BIRC6: variants seen among roughly 807,000 people sequenced by gnomAD.
The protein encoded by BIRC6 is dual E2 ubiquitin-conjugating enzyme/E3 ubiquitin-protein ligase BIRC6.
In BIRC6, 98 loss-of-function variants were observed where a neutral mutation model predicts 503.3. The observed-to-expected ratio is 0.19, with a 90% CI of 0.17 to 0.23. The LOEUF (loss-of-function observed/expected upper bound fraction) is 0.23, where lower values mean the gene tolerates loss of function less well. Ranked by LOEUF, BIRC6 falls within the 10% of genes least tolerant of loss-of-function variation. BIRC6 has a pLI of 1.00. For synonymous variants in BIRC6, 2,240 were observed against 2,078.7 expected (o/e 1.08, Z -2.11); for missense variants, 5,360 against 5,806.0 (o/e 0.92, Z 2.50).
At chr2:32,526,717 G>C (rs1012375942) in intron 59 of BIRC6, 4 of 158,414 alleles carry the variant, frequency 2.5e-5, no homozygotes, top group African/African-American at 9.6e-5. Flanking sequence ...AGTGTTGGCA[G>C]TGAACACGTG....
chr2:32,397,673 TACAC>T (rs1182103617), intron 6 of BIRC6, among the ~76,000 whole-genome samples: 1 of 132,912 alleles, frequency 7.5e-6, no homozygotes, highest in African/African-American at 2.8e-5. Flanking sequence ...TATATATATA[TACAC>T]ACACACATAT....
intron 65 of BIRC6, among the ~76,000 whole-genome samples, chr2:32,558,326 ACT>A (rs2058927377): frequency 6.6e-6 from 1 of 152,050 alleles, no homozygotes; most frequent in Non-Finnish European, 1.5e-5. Flanking sequence ...TATACAAAAA[ACT>A]ACACATACTT....
In BIRC6 at chr2:32,515,190, C is replaced by T; in HGVS notation, c.10769C>T (p.Ser3590Leu). ...TDDSKKQDLS[S>L]SLTDDSKNAQ... Reference sequence around the variant, plus strand: ...GATAGCAAAAAGCAGGATCTTAGTTCATCTTTAACAGATGACTCTAAAAAT... The same window carrying T: ...GATAGCAAAAAGCAGGATCTTAGTTTATCTTTAACAGATGACTCTAAAAAT... The change falls in exon 55 of 74, where the codon TCA becomes TTA. Residue 3590 changes from serine to leucine, a missense_variant. This residue lies in a region of BIRC6 where 878 missense variants were observed against 928.9 expected (regional missense o/e 0.95). Coordinates refer to ENST00000421745, the MANE Select transcript of BIRC6 (RefSeq NM_016252.4). 1 of 1,613,896 alleles carries T rather than the reference C, an allele frequency of 6.2e-7. No homozygotes were observed. The highest frequency in any genetic ancestry group is 8.5e-7 in the Non-Finnish European group (1 of 1,179,864).
At position 32,442,921 on chromosome 2, in the gene BIRC6, G is replaced by A. The variant is rs146389933; in HGVS notation, c.4238+466G>A. Among the ~76,000 whole-genome samples the A allele has an allele frequency of 4.2e-3, 633 of 152,164 alleles. 4 individuals are homozygous for A. Among genetic ancestry groups the A allele is most frequent in the African/African-American group, 0.015 (611 of 41,502 alleles). ...TGTCCCAAGACCCCTCCCCTCCCCA[G>A]TGGAGACCTGAAACTGTAGCTAGTA... On this transcript the variant is annotated intron_variant, in intron 19 of 73. Transcript: ENST00000421745.
At chr2:32,540,045 G>T (rs2057538118) in intron 61 of BIRC6, among the ~76,000 whole-genome samples, 3 of 151,954 alleles carry the variant, frequency 2.0e-5, no homozygotes, top group Admixed American at 6.6e-5. Context: ...AGATATAATG[G>T]ATAAATTCCT....
In BIRC6 at chr2:32,415,978, A is replaced by C; in HGVS notation, c.2687A>C (p.Asp896Ala). ...KNGFEREKTS[D>A]ISTLGHLVIT... Reference sequence around the variant, plus strand: ...GGTTTTGAGAGAGAAAAAACGTCTGACATTTCTACTCTTGGACACCTGGTA... The same window carrying C: ...GGTTTTGAGAGAGAAAAAACGTCTGCCATTTCTACTCTTGGACACCTGGTA... The change falls in exon 10 of 74, where the codon GAC becomes GCC. Residue 896 changes from aspartate (D) to alanine (A), a missense_variant. Asp to Ala is a moderately radical substitution (Grantham distance 126). This residue lies in a region of BIRC6 where 700 missense variants were observed against 739.3 expected (regional missense o/e 0.95). Coordinates refer to ENST00000421745, the MANE Select transcript of BIRC6 (RefSeq NM_016252.4). 1 of 1,613,858 alleles carries C rather than the reference A, an allele frequency of 6.2e-7. No individual in the cohort carries two copies. Among genetic ancestry groups the C allele is most frequent in the Non-Finnish European group, 8.5e-7 (1 of 1,179,810 alleles).
At chr2:32,449,115 C>A in intron 22 of BIRC6, 187 bp downstream of exon 22, 1 of 533,122 alleles carries the variant, frequency 1.9e-6, no homozygotes, top group Non-Finnish European at 3.1e-6. Flanking sequence ...TGAAGAAAAT[C>A]CCAGTATATT....
In BIRC6 at chr2:32,502,838, T is replaced by A; in HGVS notation, c.9251T>A (p.Phe3084Tyr). 6.2e-7 allele frequency: 1 copy of A among 1,613,060 alleles called. No homozygotes were observed. Among genetic ancestry groups the A allele is most frequent in the Non-Finnish European group, 8.5e-7 (1 of 1,179,586 alleles). Residue 3084 changes from phenylalanine (F) to tyrosine (Y), a missense_variant, in exon 48 of 74, where the codon TTC becomes TAC. Transcript: ENST00000421745. ...CAGTTATCTGAGCCATTATTGTGGT[T>A]CATTTTGAGAGTATTGGATACTAGT... ...TCQLSEPLLW[F>Y]ILRVLDTSDA...
chr2:32,553,828 G>A (rs953556598), intron 65 of BIRC6, among the ~76,000 whole-genome samples: 2 of 152,160 alleles, frequency 1.3e-5, no homozygotes, highest in Non-Finnish European at 2.9e-5. Flanking sequence ...TAGTAAGTTT[G>A]ATGCTTTAAT....
At chr2:32,519,140 T>A in intron 57 of BIRC6, 194 bp downstream of exon 57, 1 of 522,508 alleles carries the variant, frequency 1.9e-6, no homozygotes, top group Non-Finnish European at 3.2e-6. Context: ...TAGGCACCCC[T>A]AATTTTTTGG....
At chr2:32,478,137 G>T (rs879592750) in intron 35 of BIRC6, among the ~76,000 whole-genome samples, 1 of 152,034 alleles carries the variant, frequency 6.6e-6, no homozygotes, top group Admixed American at 6.6e-5. Flanking sequence ...AAGAGATTGA[G>T]ACCATCATGG....
At chr2:32,587,373 C>G (rs942723863) in intron 66 of BIRC6, among the ~76,000 whole-genome samples, 1 of 151,744 alleles carries the variant, frequency 6.6e-6, no homozygotes, top group Non-Finnish European at 1.5e-5. Context: ...GGCAACAGAA[C>G]GAGACTCCGT....
Position 32,415,980 on chromosome 2 carries a change from A to T in BIRC6, c.2689A>T (p.Ile897Phe), listed in dbSNP as rs777081861. 6 of 1,613,740 alleles carry T rather than the reference A, an allele frequency of 3.7e-6. No homozygotes were observed. Among genetic ancestry groups the T allele is most frequent in the Non-Finnish European group, 5.1e-6 (6 of 1,179,822 alleles). ...TTTTGAGAGAGAAAAAACGTCTGAC[A>T]TTTCTACTCTTGGACACCTGGTAAT... is the stretch of plus-strand genomic sequence containing the variant. ...NGFEREKTSD[I>F]STLGHLVITT... The change falls in exon 10 of 74, where the codon ATT becomes TTT. Residue 897 changes from isoleucine (I) to phenylalanine (F), a missense_variant. By Grantham distance (21) the Ile-to-Phe change is conservative. This residue lies in a region of BIRC6 where 700 missense variants were observed against 739.3 expected (regional missense o/e 0.95). Coordinates refer to ENST00000421745, the MANE Select transcript of BIRC6 (RefSeq NM_016252.4).
intron 70 of BIRC6, chr2:32,602,764 G>A (rs2062150659): frequency 2.4e-6 from 1 of 408,336 alleles, no homozygotes; most frequent in South Asian, 8.5e-5. Context: ...AATGTTATTT[G>A]TGTTGACATA....
rs1041364550 is a variant in BIRC6, at chr2:32,357,653, C to T, written c.325+167C>T. 6.6e-6 allele frequency among the ~76,000 whole-genome samples: 1 copy of T among 152,076 alleles called. No homozygotes were observed. Among genetic ancestry groups the T allele is most frequent in the Non-Finnish European group, 1.5e-5 (1 of 67,998 alleles). ...AAGCTGATGGAGGGGGACCTTAGGA[C>T]TTGGCTTTTTCAGCGGCTGCAGTTG... On this transcript the variant is annotated intron_variant, in intron 1 of 73. Transcript: ENST00000421745. The surrounding 1 kb of genome is among the most constrained non-coding windows in gnomAD (Gnocchi z 4.9).
chr2:32,395,129 G>A (rs571223097), intron 5 of BIRC6, among the ~76,000 whole-genome samples: 1 of 152,104 alleles, frequency 6.6e-6, no homozygotes, highest in Admixed American at 6.5e-5. Flanking sequence ...CTCCAGCCTG[G>A]GTGACAGAGC....
chr2:32,537,352 A>ATAG (rs2057318760), intron 61 of BIRC6, among the ~76,000 whole-genome samples: 1 of 152,202 alleles, frequency 6.6e-6, no homozygotes, highest in African/African-American at 2.4e-5. Flanking sequence ...AATTGACCAC[A>ATAG]TAGTTGGAAG....
intron 11 of BIRC6, among the ~76,000 whole-genome samples, chr2:32,429,878 A>G (rs1460817301): frequency 6.6e-6 from 1 of 152,212 alleles, no homozygotes; most frequent in Non-Finnish European, 1.5e-5. Context: ...GGTTAAGTAT[A>G]CAACTTGGTA....
rs1428491867 is a variant in BIRC6 at position 32,549,403 on chromosome 2, C to T, written c.13066C>T (p.Leu4356Phe). The T allele has an allele frequency of 2.0e-6, 3 of 1,522,882 alleles. No homozygotes were observed. The highest frequency in any genetic ancestry group is 2.7e-6 in the Non-Finnish European group (3 of 1,116,422). 94.3% of individuals were successfully genotyped at this position (1,522,882 alleles called of 1,614,324 possible). Reference protein sequence around the residue: ...HETRGQNSNALPSVLLELLSQ... With the variant: ...HETRGQNSNAFPSVLLELLSQ... Reference sequence around the variant, plus strand: ...GACTAGAGGGCAGAACAGTAATGCCCTTCCTTCTGTACTTCTCGAGCTTCT... The same window carrying T: ...GACTAGAGGGCAGAACAGTAATGCCTTTCCTTCTGTACTTCTCGAGCTTCT... The change falls in exon 65 of 74, where the codon CTT (leucine) becomes TTT (phenylalanine). Residue 4356 changes from leucine (L) to phenylalanine (F), a missense_variant. By Grantham distance (22) the Leu-to-Phe change is conservative. Transcript: ENST00000421745.
Sources: gnomAD v4.1 joint callset for allele counts (sites outside exome capture counted in the v4.1 genomes callset) on GRCh38, gnomAD v4.1.1 for gene constraint, gnomAD v4.1.1 regional missense constraint, Gnocchi (gnomAD v3.1) non-coding constraint, MANE v1.5 for transcripts, NCBI Gene and HGNC (gene_info 2026-07-23, HGNC 2026-07-21) for gene names.